ZSWIM7: variants seen among roughly 807,000 people sequenced by gnomAD.
ZSWIM7 encodes the protein zinc finger SWIM domain-containing protein 7.
Under a neutral mutation model 21.1 loss-of-function variants are expected in ZSWIM7, and 22 were observed. That is an observed-to-expected ratio of 1.04 (90% CI 0.74 to 1.49). The LOEUF (loss-of-function observed/expected upper bound fraction) is 1.49. Ranked by LOEUF, ZSWIM7 falls within the 40% of genes most tolerant of loss-of-function variation. The probability of loss-of-function intolerance (pLI) is 0.00; values close to 1 mark genes in which losing one functional copy is unlikely to be tolerated. For missense variants in ZSWIM7, 193 were observed against 168.0 expected (o/e 1.15, Z -0.82); for synonymous variants, 67 against 66.5 (o/e 1.01, Z -0.04).
At chr17:15,978,551 T>C (rs1354513608) in intron 4 of ZSWIM7, among the ~76,000 whole-genome samples, 1 of 152,100 alleles carries the variant, frequency 6.6e-6, no homozygotes, top group African/African-American at 2.4e-5. Flanking sequence ...TGAGCCGAGA[T>C]CACGCCACTG....
chr17:15,983,759 G>A (rs1350596296), intron 3 of ZSWIM7, among the ~76,000 whole-genome samples: 1 of 152,014 alleles, frequency 6.6e-6, no homozygotes, highest in East Asian at 1.9e-4. Context: ...GCTAACTTTT[G>A]TATTTTTAGT....
intron 1 of ZSWIM7, 153 bp downstream of exon 1, chr17:15,999,366 T>G (rs1161403938): frequency 1.2e-5 from 12 of 1,030,978 alleles, no homozygotes; most frequent in Admixed American, 7.1e-5. Context: ...TTGTTTTGTT[T>G]TTTTGTCTTT....
At chr17:15,979,597 G>C (rs1293120321) in intron 4 of ZSWIM7, among the ~76,000 whole-genome samples, 1 of 150,100 alleles carries the variant, frequency 6.7e-6, no homozygotes, top group Admixed American at 6.6e-5. Context: ...TCCCGGACGA[G>C]GCGGCTGGCC....
At chr17:15,993,343 TTTTATTTTATTTA>T (rs1180839966) in intron 2 of ZSWIM7, among the ~76,000 whole-genome samples, 17 of 133,216 alleles carry the variant, frequency 1.3e-4, no homozygotes, top group African/African-American at 3.4e-4. Flanking sequence ...TATTTTTATT[TTTTATTTTATTTA>T]TTTATTTATT....
rs549328561 is a variant in ZSWIM7 at position 15,977,985 on chromosome 17, C to T, written c.*62G>A. 53 of 1,302,520 alleles carry T rather than the reference C, an allele frequency of 4.1e-5. 1 individual carries two copies. The highest frequency in any genetic ancestry group is 1.0e-4 in the African/African-American group (7 of 68,846). The allele number at this position is 1,302,520 out of a possible 1,614,324, so 80.7% of individuals were successfully genotyped here. A position where few individuals can be genotyped will look rare whatever the true frequency, so the allele number is the denominator to read the frequency against. The stretch of plus-strand genomic sequence containing the variant: ...CACCTCTTTTCCATGTGAATCATGA[C>T]GCTTTCAATGCATTTCTTGACAGGA... On this transcript the variant is annotated 3_prime_UTR_variant, in exon 5 of 5. Transcript: ENST00000399277.
In ZSWIM7 at chr17:15,977,231, T is replaced by TAA. The variant is rs2151616186; in HGVS notation, c.*814_*815dup. 6.6e-6 allele frequency: 1 copy of TAA among 152,346 alleles called. No individual in the cohort carries two copies. The highest frequency in any genetic ancestry group is 2.4e-5 in the African/African-American group (1 of 41,568). 9.4% of individuals were successfully genotyped at this position (152,346 alleles called of 1,614,324 possible). On this transcript the variant is annotated 3_prime_UTR_variant, in exon 5 of 5. Coordinates refer to ENST00000399277, the MANE Select transcript of ZSWIM7 (RefSeq NM_001042697.2). ...TGAAGCTTACAGAAACCAGAACCTCTAAGTCTTTTCATACCTGCTACTGTT... is the reference window on the plus strand; with the variant it reads ...TGAAGCTTACAGAAACCAGAACCTCTAAAAGTCTTTTCATACCTGCTACTGTT...
At chr17:15,982,393 A>G (rs1402949373) in intron 3 of ZSWIM7, among the ~76,000 whole-genome samples, 1 of 152,222 alleles carries the variant, frequency 6.6e-6, no homozygotes, top group Non-Finnish European at 1.5e-5. Flanking sequence ...GCCACTTAGG[A>G]ATTTGCCACA....
At chr17:15,979,947 G>A (rs1406105387) in intron 4 of ZSWIM7, among the ~76,000 whole-genome samples, 2 of 126,956 alleles carry the variant, frequency 1.6e-5, no homozygotes, top group South Asian at 2.6e-4. Context: ...GCGGCTGGCC[G>A]GGCAGAGGGG....
intron 4 of ZSWIM7, among the ~76,000 whole-genome samples, chr17:15,980,017 G>A (rs1282359036): frequency 2.1e-5 from 3 of 145,176 alleles, no homozygotes; most frequent in Admixed American, 6.8e-5. Context: ...CGGACGAGGC[G>A]GCTGGCCGGG....
At chr17:15,987,170 G>GAAAT (rs1970422517) in intron 3 of ZSWIM7, 96 bp downstream of exon 3, 1 of 1,008,402 alleles carries the variant, frequency 9.9e-7, no homozygotes, top group Non-Finnish European at 1.4e-6. Context: ...AACAGTCCAG[G>GAAAT]AAATATTTAA....
chr17:15,994,223 G>T (rs1190585171), intron 1 of ZSWIM7, among the ~76,000 whole-genome samples: 3 of 152,216 alleles, frequency 2.0e-5, no homozygotes, highest in Non-Finnish European at 4.4e-5. Flanking sequence ...AAAGTGCTGG[G>T]ATTATAGACA....
At chr17:15,990,565 A>G (rs539739659) in intron 2 of ZSWIM7, among the ~76,000 whole-genome samples, 3 of 148,734 alleles carry the variant, frequency 2.0e-5, no homozygotes, top group Admixed American at 6.7e-5. Context: ...TTATTTTTAT[A>G]AACTAGAAAA....
rs1970298939 is a variant in ZSWIM7 at position 15,977,920 on chromosome 17, G to A, written c.*127C>T. On this transcript the variant is annotated 3_prime_UTR_variant, in exon 5 of 5. Coordinates refer to ENST00000399277, the MANE Select transcript of ZSWIM7 (RefSeq NM_001042697.2). Reference sequence around the variant, plus strand: ...CACAGCACCTCCTGCAGTCCTGGAGGGAAAAGGGACAGTAACATGAAGTGT... The same window carrying A: ...CACAGCACCTCCTGCAGTCCTGGAGAGAAAAGGGACAGTAACATGAAGTGT... The A allele has an allele frequency of 1.2e-6, 1 of 801,030 alleles. No homozygotes were observed. Among genetic ancestry groups the A allele is most frequent in the Non-Finnish European group, 2.1e-6 (1 of 486,340 alleles). 49.6% of individuals were successfully genotyped at this position (801,030 alleles called of 1,614,324 possible).
chr17:15,992,976 T>C (rs1447542969), intron 2 of ZSWIM7, among the ~76,000 whole-genome samples: 1 of 152,160 alleles, frequency 6.6e-6, no homozygotes. Flanking sequence ...CCTCCCGGGT[T>C]CAAGCAATTC....
At position 15,999,550 on chromosome 17, in the gene ZSWIM7, C is replaced by A; in HGVS notation, c.45G>T (p.Glu15Asp). Residue 15 changes from glutamate (E) to aspartate (D), a missense_variant, in exon 1 of 5, where the codon GAG (glutamate) becomes GAT (aspartate). Physicochemically the swap from Glu to Asp is conservative, Grantham distance 45. Transcript: ENST00000399277. ...LPAVVEELLS[E>D]MAAAVQESAR... ...CGCTCTCCTGCACCGCCGCCGCCAT[C>A]TCGCTCAGGAGCTCCTCCACAACCG... The A allele has an allele frequency of 6.3e-7, 1 of 1,597,948 alleles. No individual in the cohort carries two copies. The highest frequency in any genetic ancestry group is 8.5e-7 in the Non-Finnish European group (1 of 1,173,800).
In ZSWIM7 at chr17:15,992,087, C is replaced by T. The variant is rs190529870; in HGVS notation, c.98+1670G>A. ...GATTACAGGTGCCTGCCACCATGCCCGGCTAATTTTTGTATTTTTAGTAGA... is the reference window on the plus strand; with the variant it reads ...GATTACAGGTGCCTGCCACCATGCCTGGCTAATTTTTGTATTTTTAGTAGA... On this transcript the variant is annotated intron_variant, in intron 2 of 4. Transcript: ENST00000399277. Among the ~76,000 whole-genome samples, 457 of 151,864 alleles carry T rather than the reference C, an allele frequency of 3.0e-3. 1 individual carries two copies. The highest frequency in any genetic ancestry group is 0.01 in the African/African-American group (433 of 41,426).
At chr17:15,999,425 G>A (rs752191794) in intron 1 of ZSWIM7, 94 bp downstream of exon 1, 32 of 1,466,054 alleles carry the variant, frequency 2.2e-5, no homozygotes, top group Non-Finnish European at 2.6e-5. Flanking sequence ...GCAGGGCCAG[G>A]CCCGGACACC....
chr17:15,979,919 A>C lies in ZSWIM7; in HGVS notation c.306+1121T>G, dbSNP rs1194623993. On this transcript the variant is annotated intron_variant, in intron 4 of 4. Transcript: ENST00000399277. ...TCCCGGACGGGGGGCTGAACCCCCCACCTCCCTCCCGGACGGGGCGGCTGG... is the reference window on the plus strand; with the variant it reads ...TCCCGGACGGGGGGCTGAACCCCCCCCCTCCCTCCCGGACGGGGCGGCTGG... Among the ~76,000 whole-genome samples, 4 of 62,274 alleles carry C rather than the reference A, an allele frequency of 6.4e-5. 1 individual carries two copies. The highest frequency in any genetic ancestry group is 1.2e-4 in the Non-Finnish European group (4 of 34,148). 40.9% of individuals were successfully genotyped at this position (62,274 alleles called of 152,430 possible). A position where few individuals can be genotyped will look rare whatever the true frequency, so the allele number is the denominator to read the frequency against.
rs10551472 is a variant in ZSWIM7 at position 15,998,755 on chromosome 17, C to CT, written c.76+763dup. Among the ~76,000 whole-genome samples the CT allele has an allele frequency of 2.4e-3, 319 of 130,314 alleles. 2 individuals are homozygous for CT. The highest frequency in any genetic ancestry group is 3.0e-3 in the African/African-American group (106 of 34,980). 85.5% of individuals were successfully genotyped at this position (130,314 alleles called of 152,430 possible). ...TTTAGGTTTTGTGGCTCTTAAAATG[C>CT]TTTTTTTTTTTTTTTTGAGATGGAA... On this transcript the variant is annotated intron_variant, in intron 1 of 4. Coordinates refer to ENST00000399277, the MANE Select transcript of ZSWIM7 (RefSeq NM_001042697.2).
Sources: gnomAD v4.1 joint callset for allele counts (sites outside exome capture counted in the v4.1 genomes callset) on GRCh38, gnomAD v4.1.1 for gene constraint, MANE v1.5 for transcripts, NCBI Gene and HGNC (gene_info 2026-07-23, HGNC 2026-07-21) for gene names.